The following MGAT4C variants were observed in gnomAD, a reference collection of about 807,000 sequenced individuals.
MGAT4C encodes alpha-1,3-mannosyl-glycoprotein 4-beta-N-acetylglucosaminyltransferase C.
In MGAT4C, 19 loss-of-function variants were observed where a neutral mutation model predicts 40.1. That is an observed-to-expected ratio of 0.47 (90% CI 0.33 to 0.70). MGAT4C has a LOEUF of 0.70. Ranked by LOEUF, MGAT4C falls within the 30% of genes least tolerant of loss-of-function variation. The probability of loss-of-function intolerance (pLI) is 0.02; values close to 1 mark genes in which losing one functional copy is unlikely to be tolerated. For missense variants in MGAT4C, 491 were observed against 563.2 expected, an observed-to-expected ratio of 0.87 and a Z score of 1.30; for synonymous variants, 181 against 187.1, an observed-to-expected ratio of 0.97 and a Z score of 0.27.
At position 86,269,555 on chromosome 12, in the gene MGAT4C, G is replaced by GT. The variant is rs766062462; in HGVS notation, c.-57+64509dup. On this transcript the variant is annotated intron_variant, in intron 4 of 7. Coordinates refer to the MGAT4C transcript ENST00000548651. Reference sequence around the variant, plus strand: ...CTGAATTATAAACTCTCCAATTCAGGTTTTTTTGTTTTTTTTTTTCCTGGT... The same window carrying GT: ...CTGAATTATAAACTCTCCAATTCAGGTTTTTTTTGTTTTTTTTTTTCCTGGT... Among the ~76,000 whole-genome samples the GT allele has an allele frequency of 5.3e-5, 8 of 150,386 alleles. No individual in the cohort carries two copies. The East Asian group carries it at 1.4e-3, about 26-fold the overall frequency.
At chr12:86,684,879 GT>G (rs1217203912) in intron 2 of MGAT4C, among the ~76,000 whole-genome samples, 2 of 151,246 alleles carry the variant, frequency 1.3e-5, no homozygotes, top group Admixed American at 6.6e-5. Flanking sequence ...TTTTTGATGG[GT>G]TTTTTGTTTT....
At chr12:86,037,437 A>G (rs1349659318) in intron 2 of MGAT4C, among the ~76,000 whole-genome samples, 2 of 149,976 alleles carry the variant, frequency 1.3e-5, no homozygotes, top group African/African-American at 2.4e-5. Context: ...ACTGCTATAA[A>G]TTTCCCTCTA....
At chr12:86,046,529 G>A (rs1642243484) in intron 2 of MGAT4C, among the ~76,000 whole-genome samples, 1 of 152,140 alleles carries the variant, frequency 6.6e-6, no homozygotes, top group Non-Finnish European at 1.5e-5. Flanking sequence ...ACATTAGTAA[G>A]CTGTGTAAGA....
chr12:86,833,170 T>A (rs1299587590), intron 1 of MGAT4C, among the ~76,000 whole-genome samples: 1 of 151,772 alleles, frequency 6.6e-6, no homozygotes, highest in Admixed American at 6.6e-5. Context: ...AAGTAGGAAA[T>A]TTGATCAAAC....
intron 1 of MGAT4C, among the ~76,000 whole-genome samples, chr12:86,076,551 A>G (rs1282522771): frequency 6.6e-6 from 1 of 152,180 alleles, no homozygotes; most frequent in East Asian, 1.9e-4. Context: ...TGGGAAGAAA[A>G]AGAGGTTTAG....
At chr12:86,152,248 A>T (rs181605906) in intron 1 of MGAT4C, among the ~76,000 whole-genome samples, 62 of 152,360 alleles carry the variant, frequency 4.1e-4, no homozygotes, top group Non-Finnish European at 6.2e-4. Context: ...TTATAAAACC[A>T]GAAATTTACT....
chr12:86,714,234 G>C (rs916350072), intron 2 of MGAT4C, among the ~76,000 whole-genome samples: 1 of 151,984 alleles, frequency 6.6e-6, no homozygotes, highest in Non-Finnish European at 1.5e-5. Flanking sequence ...TTTTTTGTTG[G>C]CTTAAGTCTC....
intron 2 of MGAT4C, among the ~76,000 whole-genome samples, chr12:86,718,161 A>G (rs937166406): frequency 3.9e-5 from 6 of 152,292 alleles, no homozygotes; most frequent in African/African-American, 1.4e-4. Context: ...AATGCCTAAC[A>G]CCATTGTTGA....
At chr12:86,616,317 A>G (rs1256428374) in intron 2 of MGAT4C, among the ~76,000 whole-genome samples, 1 of 152,144 alleles carries the variant, frequency 6.6e-6, no homozygotes, top group Non-Finnish European at 1.5e-5. Context: ...TGCAAAAAGA[A>G]TAATTCTAGA....
At chr12:86,149,102 A>G (rs1304374747) in intron 1 of MGAT4C, among the ~76,000 whole-genome samples, 1 of 152,222 alleles carries the variant, frequency 6.6e-6, no homozygotes, top group Non-Finnish European at 1.5e-5. Flanking sequence ...TGAATTATTG[A>G]TGCTAAATAC....
At chr12:86,774,343 C>CTTT (rs1565981678) in intron 1 of MGAT4C, among the ~76,000 whole-genome samples, 24 of 54,524 alleles carry the variant, frequency 4.4e-4, no homozygotes, top group South Asian at 1.7e-3. Flanking sequence ...TTCTTTCTGT[C>CTTT]TCTCTCTCTC....
chr12:86,780,534 GCT>G (rs1220335117), intron 1 of MGAT4C, among the ~76,000 whole-genome samples: 1 of 152,076 alleles, frequency 6.6e-6, no homozygotes, highest in Non-Finnish European at 1.5e-5. Context: ...CTTCCCCTTT[GCT>G]CTCTTTCTCC....
intron 2 of MGAT4C, among the ~76,000 whole-genome samples, chr12:86,461,755 CATT>C (rs1466785666): frequency 6.6e-6 from 1 of 152,056 alleles, no homozygotes; most frequent in Non-Finnish European, 1.5e-5. Flanking sequence ...AAAATATAAT[CATT>C]AACAGTTTAA....
At chr12:86,237,226 C>T (rs1493421) in intron 1 of MGAT4C, among the ~76,000 whole-genome samples, 120,133 of 151,434 alleles carry the variant, frequency 0.79, 47,974 homozygotes, top group East Asian at 0.95. Context: ...ATAAAAGTTC[C>T]GGATATAGAT....
intron 2 of MGAT4C, among the ~76,000 whole-genome samples, chr12:86,497,056 C>A (rs1958249271): frequency 6.6e-6 from 1 of 151,874 alleles, no homozygotes; most frequent in South Asian, 2.1e-4. Context: ...TAATACATAG[C>A]TTTTTCAACT....
chr12:86,352,881 G>T (rs534295123), intron 3 of MGAT4C, among the ~76,000 whole-genome samples: 14 of 151,876 alleles, frequency 9.2e-5, no homozygotes, highest in East Asian at 1.9e-4. Flanking sequence ...GTGGGGGAAG[G>T]GGGGAGGGGT....
intron 4 of MGAT4C, among the ~76,000 whole-genome samples, chr12:86,286,519 A>G (rs1953355600): frequency 6.6e-6 from 1 of 152,212 alleles, no homozygotes; most frequent in African/African-American, 2.4e-5. Context: ...AATATTCATT[A>G]GGCATGAAAC....
chr12:86,046,484 C>T (rs1163060180), intron 2 of MGAT4C, among the ~76,000 whole-genome samples: 1 of 152,120 alleles, frequency 6.6e-6, no homozygotes, highest in Non-Finnish European at 1.5e-5. Context: ...TCTAGAGCAG[C>T]CAGCCTTTAG....
chr12:86,765,765 T>C (rs1178650493), intron 1 of MGAT4C, among the ~76,000 whole-genome samples: 1 of 152,104 alleles, frequency 6.6e-6, no homozygotes, highest in East Asian at 1.9e-4. Context: ...CCAGCCAAAC[T>C]AAGCTTCATA....
Sources: gnomAD v4.1 joint callset for allele counts (sites outside exome capture counted in the v4.1 genomes callset) on GRCh38, gnomAD v4.1.1 for gene constraint, MANE v1.5 for transcripts, NCBI Gene and HGNC (gene_info 2026-07-23, HGNC 2026-07-21) for gene names.